The following ZDHHC24 variants were observed in gnomAD, a reference collection of about 807,000 sequenced individuals.
ZDHHC24 encodes zDHHC palmitoyltransferase 24.
Under a neutral mutation model 23.2 loss-of-function variants are expected in ZDHHC24, and 17 were observed. The observed-to-expected ratio is 0.73, with a 90% confidence interval of 0.50 to 1.10. ZDHHC24 has a LOEUF of 1.10. ZDHHC24 is among the 50% of genes least tolerant of loss of function. The pLI, the probability that ZDHHC24 is intolerant of heterozygous loss-of-function variation, is 0.00. For synonymous variants in ZDHHC24, 186 were observed against 194.5 expected (o/e 0.96, Z 0.36); for missense variants, 366 against 393.0 (o/e 0.93, Z 0.58).
chr11:66,531,610 A>T (rs1338861572), downstream of ZDHHC24: 1 of 1,613,226 alleles, frequency 6.2e-7, no homozygotes, highest in Admixed American at 1.7e-5. Context: ...TATGCCAAAC[A>T]CTGGCACGAG....
chr11:66,522,649 C>T (rs1856294523), intron 4 of ZDHHC24, among the ~76,000 whole-genome samples: 1 of 152,184 alleles, frequency 6.6e-6, no homozygotes, highest in Non-Finnish European at 1.5e-5. Context: ...CCCGGCCTAA[C>T]ATGCATTTTT....
chr11:66,526,279 G>A (rs558686944), intron 4 of ZDHHC24: 1 of 1,361,958 alleles, frequency 7.3e-7, no homozygotes, highest in African/African-American at 1.4e-5. Flanking sequence ...AGGTGGAAAT[G>A]AAGCATGGGT....
In ZDHHC24 at chr11:66,545,902, A is replaced by G; in HGVS notation, c.102T>C (p.Ala34=). ...LWAAAVGLEL[A]YVLVLGPGPP... ...GCCCGGGACCGAGCACCAGCACGTA[A>G]GCCAGCTCCAGGCCCACGGCCGCGG... Residue 34 remains alanine, a synonymous_variant, in exon 1 of 3, where the codon GCT becomes GCC. Coordinates refer to ENST00000310442, the MANE Select transcript of ZDHHC24 (RefSeq NM_207340.3). This position sits in a 1 kb window ranked among gnomAD's most constrained non-coding sequence, Gnocchi z 4.5. 1 of 1,538,426 alleles carries G rather than the reference A, an allele frequency of 6.5e-7. No homozygotes were observed. Among genetic ancestry groups the G allele is most frequent in the Non-Finnish European group, 8.7e-7 (1 of 1,149,590 alleles).
At chr11:66,541,819 C>T (rs1183872135) in intron 2 of ZDHHC24, among the ~76,000 whole-genome samples, 1 of 151,830 alleles carries the variant, frequency 6.6e-6, no homozygotes, top group Non-Finnish European at 1.5e-5. Flanking sequence ...GGAGACAGAT[C>T]CCTGAGTGAG....
At position 66,538,545 on chromosome 11, in the gene ZDHHC24, G is replaced by C. The variant is rs373241017; in HGVS notation, c.*984C>G. 7.0e-4 allele frequency: 106 copies of C among 152,244 alleles called. No individual in the cohort carries two copies. The highest frequency in any genetic ancestry group is 2.4e-3 in the African/African-American group (98 of 41,540). 9.4% of individuals were successfully genotyped at this position (152,244 alleles called of 1,614,324 possible). On this transcript the variant is annotated 3_prime_UTR_variant, in exon 3 of 3. Transcript: ENST00000310442. ...TGCACTCCAGCCCCGGCAACAGAGA[G>C]AAAAAAGAAAATGTGGTCAGGCTCT...
chr11:66,521,752 A>C (rs1856229529), intron 4 of ZDHHC24: 7 of 312,314 alleles, frequency 2.2e-5, no homozygotes, highest in South Asian at 2.0e-4. Context: ...CTAAAAATAC[A>C]AAATTAGCTG....
Position 66,524,339 on chromosome 11 carries a change from G to T in ZDHHC24, c.*21+2597C>A, listed in dbSNP as rs144048307. On this transcript the variant is annotated intron_variant, in intron 4 of 4. Transcript: ENST00000526986. ...TACCAGTCACCATATTGGTAGGGGT[G>T]GGGGGTAAAATGATGACTAAGTCCT... The T allele has an allele frequency of 2.4e-3, 656 of 274,810 alleles. 9 individuals are homozygous for T. The highest frequency in any genetic ancestry group is 0.023 in the East Asian group (231 of 10,004). 17.0% of individuals were successfully genotyped at this position (274,810 alleles called of 1,614,324 possible).
chr11:66,521,599 A>C (rs1481883068), intron 4 of ZDHHC24: 3 of 553,042 alleles, frequency 5.4e-6, no homozygotes. Flanking sequence ...GCTATAGTAC[A>C]GGAGTGATCA....
Position 66,545,696 on chromosome 11 carries a change from C to T in ZDHHC24, c.281+27G>A. On this transcript the variant is annotated intron_variant, in intron 1 of 2. Transcript: ENST00000310442. The surrounding 1 kb of genome is among the most constrained non-coding windows in gnomAD (Gnocchi z 4.5). ...CCCCCTGTCCAAGGCTCCCACTTCT[C>T]CCCGCCCGATCCCGCACCCCACTCA... 6.7e-7 allele frequency: 1 copy of T among 1,488,964 alleles called. No individual in the cohort carries two copies. The highest frequency in any genetic ancestry group is 1.4e-5 in the African/African-American group (1 of 69,054). 92.2% of individuals were successfully genotyped at this position (1,488,964 alleles called of 1,614,324 possible).
chr11:66,526,548 C>T (rs1856501886), intron 4 of ZDHHC24: 2 of 1,482,588 alleles, frequency 1.3e-6, no homozygotes, highest in Non-Finnish European at 1.9e-6. Context: ...CGGATGTGTA[C>T]AGAAGCAACT....
At chr11:66,522,434 G>C (rs1856284550) in intron 4 of ZDHHC24, among the ~76,000 whole-genome samples, 2 of 150,376 alleles carry the variant, frequency 1.3e-5, no homozygotes. Flanking sequence ...TGCAACCTCT[G>C]CCTCCTGGGT....
chr11:66,540,120 T>C (rs1202797726), intron 2 of ZDHHC24, among the ~76,000 whole-genome samples: 1 of 151,996 alleles, frequency 6.6e-6, no homozygotes, highest in Non-Finnish European at 1.5e-5. Context: ...TCACAGACAT[T>C]AAAGAGGCCA....
At chr11:66,522,984 C>T (rs1453245043) in intron 4 of ZDHHC24, 1 of 368,492 alleles carries the variant, frequency 2.7e-6, no homozygotes, top group East Asian at 7.2e-5. Context: ...GGCGTGTGCT[C>T]CTCGAATAGA....
At position 66,536,179 on chromosome 11, in the gene ZDHHC24, T is replaced by C. The variant is rs1312593353; in HGVS notation, c.*3350A>G. ...GCAACAGCAGGAACTTCGAAGGAAA[T>C]GGTAACCTTCTCAAATGCAGTGGGG... is the stretch of plus-strand genomic sequence containing the variant. On this transcript the variant is annotated 3_prime_UTR_variant, in exon 3 of 3. Transcript: ENST00000310442. The C allele has an allele frequency of 6.6e-6, 1 of 152,374 alleles. No homozygotes were observed. The highest frequency in any genetic ancestry group is 1.5e-5 in the Non-Finnish European group (1 of 68,198). The allele number at this position is 152,374 out of a possible 1,614,324, so 9.4% of individuals were successfully genotyped here.
chr11:66,533,072 G>A (rs989822260), downstream of ZDHHC24: 6 of 152,168 alleles, frequency 3.9e-5, no homozygotes, highest in Non-Finnish European at 5.9e-5. Context: ...AGCACCTGAT[G>A]TAAGTTTATA....
At chr11:66,524,484 G>C (rs1334873619) in intron 4 of ZDHHC24, among the ~76,000 whole-genome samples, 1 of 151,954 alleles carries the variant, frequency 6.6e-6, no homozygotes, top group Non-Finnish European at 1.5e-5. Context: ...TGACAAGGGT[G>C]GGGGGTGAGA....
At chr11:66,528,100 C>G (rs1189459658) in intron 3 of ZDHHC24, among the ~76,000 whole-genome samples, 2 of 152,164 alleles carry the variant, frequency 1.3e-5, no homozygotes, top group Non-Finnish European at 2.9e-5. Context: ...CATGGTGGCA[C>G]ACGCCTGTAA....
intron 2 of ZDHHC24, chr11:66,529,503 TGGA>T: frequency 1.4e-6 from 1 of 725,704 alleles, no homozygotes; most frequent in South Asian, 1.5e-5. Flanking sequence ...GGGAAGAAGA[TGGA>T]GGATGAGAAG....
intron 2 of ZDHHC24, among the ~76,000 whole-genome samples, chr11:66,540,466 G>A (rs1049602345): frequency 7.4e-5 from 11 of 148,422 alleles, no homozygotes; most frequent in African/African-American, 2.7e-4. Flanking sequence ...GCGATGGCTC[G>A]TGCCTGTAAT....
Sources: allele counts gnomAD v4.1 joint callset (sites outside exome capture counted in the v4.1 genomes callset), GRCh38; gene constraint gnomAD v4.1.1; non-coding constraint Gnocchi (gnomAD v3.1); transcripts MANE v1.5; gene names NCBI Gene and HGNC (gene_info 2026-07-23, HGNC 2026-07-21).